UGP2: variants seen among roughly 807,000 people sequenced by gnomAD.
UGP2 encodes UTP--glucose-1-phosphate uridylyltransferase.
A neutral mutation model predicts 49.0 loss-of-function variants in UGP2; 40 were observed. The ratio of observed to expected loss-of-function variants is 0.82; its 90% confidence interval spans 0.63 to 1.06. UGP2 has a LOEUF of 1.06. Among genes scored for constraint, UGP2 ranks in the 50% least tolerant of loss-of-function variants. The pLI, the probability that UGP2 is intolerant of heterozygous loss-of-function variation, is 0.00. For synonymous variants in UGP2, 225 were observed against 213.0 expected (o/e 1.06, Z -0.49); for missense variants, 460 against 603.5 (o/e 0.76, Z 2.49).
At position 63,885,856 on chromosome 2, in the gene UGP2, A is replaced by C; in HGVS notation, c.843A>C (p.Glu281Asp). Residue 281 changes from glutamate to aspartate, a missense_variant, in exon 6 of 10, where the codon GAA (glutamate) becomes GAC (aspartate). By Grantham distance (45) the Glu-to-Asp change is conservative. Coordinates refer to ENST00000337130, the MANE Select transcript of UGP2 (RefSeq NM_006759.4). ...PNGKRCEFVM[E>D]VTNKTRADVK... Reference sequence around the variant, plus strand: ...GAAAACGCTGTGAATTTGTCATGGAAGTCACAAATAAAACACGTGCAGATG... The same window carrying C: ...GAAAACGCTGTGAATTTGTCATGGACGTCACAAATAAAACACGTGCAGATG... 6.3e-7 allele frequency: 1 copy of C among 1,598,534 alleles called. No individual in the cohort carries two copies. Among genetic ancestry groups the C allele is most frequent in the Non-Finnish European group, 8.5e-7 (1 of 1,173,648 alleles).
chr2:63,891,069 C>A, intron 9 of UGP2, 51 bp from the exon 10 acceptor site: 2 of 1,495,836 alleles, frequency 1.3e-6, no homozygotes, highest in South Asian at 2.4e-5. Context: ...GTAAGATAAT[C>A]AAATTGCATT....
chr2:63,853,238 G>GTT (rs1669157984), intron 1 of UGP2, among the ~76,000 whole-genome samples: 2 of 152,042 alleles, frequency 1.3e-5, no homozygotes, highest in South Asian at 4.1e-4. Context: ...AAATAACTGG[G>GTT]TTTAAAGGAC....
chr2:63,848,694 C>T (rs1342618003), intron 1 of UGP2, among the ~76,000 whole-genome samples: 1 of 152,212 alleles, frequency 6.6e-6, no homozygotes, highest in Non-Finnish European at 1.5e-5. Flanking sequence ...CACTGCCAGG[C>T]ACGTGTCCTT....
At chr2:63,846,683 A>G (rs947855474) in intron 1 of UGP2, among the ~76,000 whole-genome samples, 1 of 152,194 alleles carries the variant, frequency 6.6e-6, no homozygotes, top group Non-Finnish European at 1.5e-5. Context: ...AGCTAATTAT[A>G]ACTGGAGGGG....
At chr2:63,854,751 C>T (rs1368984749) in intron 1 of UGP2, 2 of 152,058 alleles carry the variant, frequency 1.3e-5, no homozygotes. Context: ...TTGTTTAAGC[C>T]GATTATATTT....
At chr2:63,855,941 C>A in intron 1 of UGP2, 2 of 212,778 alleles carry the variant, frequency 9.4e-6, no homozygotes, top group South Asian at 6.1e-5. Flanking sequence ...CCGGCTATGC[C>A]AAAAGCATTA....
intron 7 of UGP2, 98 bp downstream of exon 7, chr2:63,886,636 C>T (rs1671693549): frequency 2.2e-6 from 3 of 1,348,130 alleles, no homozygotes; most frequent in Non-Finnish European, 3.0e-6. Context: ...CCATCTATTC[C>T]ATTGGTCACT....
At chr2:63,869,790 C>G (rs76455521) in intron 3 of UGP2, among the ~76,000 whole-genome samples, 1,811 of 152,210 alleles carry the variant, frequency 0.012, 22 homozygotes, top group Non-Finnish European at 0.018. Flanking sequence ...GAAAAGACCT[C>G]TTTACTTACA....
intron 3 of UGP2, among the ~76,000 whole-genome samples, chr2:63,879,658 G>T (rs1222451900): frequency 6.6e-6 from 1 of 152,230 alleles, no homozygotes; most frequent in Non-Finnish European, 1.5e-5. Flanking sequence ...ACCCGTAGGG[G>T]TAGAAGAGGA....
At chr2:63,867,768 A>G (rs1558947708) in intron 3 of UGP2, among the ~76,000 whole-genome samples, 1 of 152,244 alleles carries the variant, frequency 6.6e-6, no homozygotes, top group Non-Finnish European at 1.5e-5. Flanking sequence ...AAGATATCCT[A>G]TCAAGTAGAA....
At chr2:63,882,417 G>T in intron 3 of UGP2, 49 bp from the exon 4 acceptor site, 3 of 1,398,220 alleles carry the variant, frequency 2.1e-6, no homozygotes, top group Non-Finnish European at 2.9e-6. Context: ...ATGCTTTAAC[G>T]TCCCTTAAAG....
At chr2:63,875,524 C>T (rs1269977645) in intron 3 of UGP2, among the ~76,000 whole-genome samples, 2 of 152,202 alleles carry the variant, frequency 1.3e-5, no homozygotes, top group African/African-American at 4.8e-5. Flanking sequence ...AGGTACAGAT[C>T]ATGGTAGATA....
upstream of UGP2, chr2:63,841,707 CG>C (rs1333845202): frequency 6.5e-6 from 1 of 154,296 alleles, no homozygotes; most frequent in East Asian, 1.9e-4. Context: ...CGCTGTTAAC[CG>C]GGGTTTTCGG....
intron 3 of UGP2, among the ~76,000 whole-genome samples, chr2:63,865,058 T>A (rs1670088400): frequency 6.6e-6 from 1 of 152,216 alleles, no homozygotes; most frequent in Non-Finnish European, 1.5e-5. Context: ...CTGAAGTACT[T>A]TTTTCTGATT....
chr2:63,842,246 A>C, intron 1 of UGP2, 42 bp downstream of exon 1: 2 of 1,607,992 alleles, frequency 1.2e-6, no homozygotes, highest in Admixed American at 1.7e-5. Context: ...GCTTCAGGCA[A>C]ATTTGGGTAC....
At chr2:63,874,734 A>G (rs1670793469) in intron 3 of UGP2, among the ~76,000 whole-genome samples, 1 of 151,910 alleles carries the variant, frequency 6.6e-6, no homozygotes, top group Non-Finnish European at 1.5e-5. Flanking sequence ...GTGGTAATGA[A>G]TGAGTTCTCG....
intron 5 of UGP2, among the ~76,000 whole-genome samples, chr2:63,884,993 CTTTTTTTTT>C (rs528966512): frequency 1.3e-3 from 30 of 23,152 alleles, no homozygotes; most frequent in East Asian, 2.9e-3. Flanking sequence ...CCCATGGTTA[CTTTTTTTTT>C]TTTTTTTTTT....
At chr2:63,845,242 CCTCAGTTTCTT>C (rs1423421267) in intron 1 of UGP2, among the ~76,000 whole-genome samples, 1 of 152,138 alleles carries the variant, frequency 6.6e-6, no homozygotes, top group African/African-American at 2.4e-5. Context: ...ACCTTTCAAA[CCTCAGTTTCTT>C]CTTAGATAAA....
intron 1 of UGP2, chr2:63,842,526 G>A (rs1028520235): frequency 6.5e-7 from 1 of 1,533,564 alleles, no homozygotes; most frequent in Middle Eastern, 1.7e-4. Context: ...CTCTTTTCCT[G>A]GTCTGTGTCA....
Sources: allele counts gnomAD v4.1 joint callset (sites outside exome capture counted in the v4.1 genomes callset), GRCh38; gene constraint gnomAD v4.1.1; transcripts MANE v1.5; gene names NCBI Gene and HGNC (gene_info 2026-07-23, HGNC 2026-07-21).